POU2F2: variants seen among roughly 807,000 people sequenced by gnomAD.
POU2F2 encodes the protein POU class 2 homeobox 2.
In POU2F2, 14 loss-of-function variants were observed where a neutral mutation model predicts 63.5. The ratio of observed to expected loss-of-function variants is 0.22; its 90% CI spans 0.15 to 0.34. The LOEUF (loss-of-function observed/expected upper bound fraction) is 0.34. Among genes scored for constraint, POU2F2 ranks in the 10% least tolerant of loss-of-function variants. POU2F2 has a pLI of 1.00. For synonymous variants in POU2F2, 306 were observed against 348.6 expected (o/e 0.88, Z 1.36); for missense variants, 607 against 815.2 (o/e 0.74, Z 3.11).
intron 1 of POU2F2, among the ~76,000 whole-genome samples, chr19:42,172,946 G>A (rs1378313346): frequency 6.6e-6 from 1 of 152,218 alleles, no homozygotes; most frequent in Non-Finnish European, 1.5e-5. Flanking sequence ...GACAGACAAG[G>A]CTCGGTATGA....
chr19:42,139,083 G>A (rs912724492), intron 2 of POU2F2, among the ~76,000 whole-genome samples: 2 of 152,124 alleles, frequency 1.3e-5, no homozygotes, highest in African/African-American at 2.4e-5. Flanking sequence ...TTGCAAGGTC[G>A]ACGAGGGCGG....
At chr19:42,127,640 C>T (rs1237086494) in intron 1 of POU2F2, among the ~76,000 whole-genome samples, 3 of 152,084 alleles carry the variant, frequency 2.0e-5, no homozygotes, top group African/African-American at 7.2e-5. Flanking sequence ...CTCAGCCTCC[C>T]AAAATGCTGG....
chr19:42,169,445 C>T lies in POU2F2; in HGVS notation c.-70+6518G>A, dbSNP rs17270169. On this transcript the variant is annotated intron_variant, in intron 1 of 6. Transcript: ENST00000524801. The surrounding 1 kb of genome is among the most constrained non-coding windows in gnomAD (Gnocchi z 4.3). The stretch of plus-strand genomic sequence containing the variant: ...ATACCTGTGTCTGAGTATGTGTTTA[C>T]CCCTGTTTCCAAACCTGGTGTGTCC... 0.098 allele frequency among the ~76,000 whole-genome samples: 14,957 copies of T among 152,264 alleles called. 882 individuals carry two copies. Among genetic ancestry groups the T allele is most frequent in the Middle Eastern group, 0.2 (58 of 294 alleles).
At position 42,095,805 on chromosome 19, in the gene POU2F2, T is replaced by G; in HGVS notation, c.854A>C (p.Lys285Thr). Residue 285 changes from lysine (K) to threonine (T), a missense_variant, in exon 9 of 15, where the codon AAG becomes ACG. This residue lies in a region of POU2F2 where 39 missense variants were observed against 36.3 expected (regional missense o/e 1.07). Transcript: ENST00000692977. This position sits in a 1 kb window ranked among gnomAD's most constrained non-coding sequence, Gnocchi z 7.1. ...NMCKLKPLLE[K>T]WLNDAETMSV... Reference sequence around the variant, plus strand: ...GGTCCCACCTGCATCGTTGAGCCACTTCTCCAGGAGGGGCTTGAGTTTGCA... The same window carrying G: ...GGTCCCACCTGCATCGTTGAGCCACGTCTCCAGGAGGGGCTTGAGTTTGCA... 2 of 1,613,986 alleles carry G rather than the reference T, an allele frequency of 1.2e-6. No homozygotes were observed. The highest frequency in any genetic ancestry group is 4.5e-5 in the East Asian group (2 of 44,856).
rs773664248 is a variant in POU2F2, at chr19:42,095,555, C to A, written c.1010G>T (p.Ser337Ile). 1 of 1,603,742 alleles carries A rather than the reference C, an allele frequency of 6.2e-7. No homozygotes were observed. The highest frequency in any genetic ancestry group is 8.5e-7 in the Non-Finnish European group (1 of 1,174,714). ...ETNVRFALEK[S>I]FLANQKPTSE... ...AGAGGGGGGCCTCACCGCTAGAAAA[C>A]TCTTCTCTAAGGCGAAGCGGACGTT... The change falls in exon 10 of 15, where the codon AGT becomes ATT. Residue 337 changes from serine to isoleucine, a missense_variant. By Grantham distance (142) the Ser-to-Ile change is moderately radical. Around this residue, in one of 7 missense-constraint regions of POU2F2, gnomAD observed 36 missense variants for 63.8 expected, o/e 0.56. Transcript: ENST00000692977. This position sits in a 1 kb window ranked among gnomAD's most constrained non-coding sequence, Gnocchi z 7.1.
In POU2F2 at chr19:42,151,417, G is replaced by A. The variant is rs545652140; in HGVS notation, c.-9+8915C>T. ...CTGGGCTGGGAGGAGAGGAGGATCT[G>A]GACAGACAAAGAACTGGAGCCCTGG... On this transcript the variant is annotated intron_variant, in intron 2 of 6. Transcript: ENST00000524801. 2.6e-5 allele frequency among the ~76,000 whole-genome samples: 4 copies of A among 152,086 alleles called. No homozygotes were observed. In the East Asian group the frequency reaches 5.8e-4, roughly 22 times the overall value.
chr19:42,138,810 C>A (rs1438643122), intron 2 of POU2F2, among the ~76,000 whole-genome samples: 1 of 152,118 alleles, frequency 6.6e-6, no homozygotes, highest in Non-Finnish European at 1.5e-5. Flanking sequence ...GGGGAAGACA[C>A]TTGGGTCAGT....
intron 1 of POU2F2, among the ~76,000 whole-genome samples, chr19:42,190,748 G>T (rs1422330966): frequency 6.6e-6 from 1 of 152,084 alleles, no homozygotes; most frequent in East Asian, 1.9e-4. Flanking sequence ...AGATAAATGA[G>T]CCTATGGATG....
At chr19:42,172,310 C>T (rs1363237265) in intron 1 of POU2F2, among the ~76,000 whole-genome samples, 1 of 152,212 alleles carries the variant, frequency 6.6e-6, no homozygotes, top group Non-Finnish European at 1.5e-5. Flanking sequence ...GCTTCAGAGT[C>T]TAGGCCTTTG....
chr19:42,099,275 T>C (rs1317090559), intron 7 of POU2F2: 3 of 470,376 alleles, frequency 6.4e-6, no homozygotes, highest in Non-Finnish European at 7.8e-6. Flanking sequence ...TCTTTCATCA[T>C]ATTCTCAAAG....
In POU2F2 at chr19:42,153,017, C is replaced by T. The variant is rs1172897301; in HGVS notation, c.-9+7315G>A. ...TGGGGCGAACCCTCAGGCCGGCCTGCGCCCACCCCCAGAGCTGCTGGCTGC... is the reference window on the plus strand; with the variant it reads ...TGGGGCGAACCCTCAGGCCGGCCTGTGCCCACCCCCAGAGCTGCTGGCTGC... On this transcript the variant is annotated intron_variant, in intron 2 of 6. Transcript: ENST00000524801. The surrounding 1 kb of genome is among the most constrained non-coding windows in gnomAD (Gnocchi z 5.6). Among the ~76,000 whole-genome samples the T allele has an allele frequency of 2.0e-5, 3 of 152,126 alleles. No homozygotes were observed. Among genetic ancestry groups the T allele is most frequent in the Non-Finnish European group, 2.9e-5 (2 of 68,016 alleles).
intron 2 of POU2F2, among the ~76,000 whole-genome samples, chr19:42,151,249 G>A (rs1029538046): frequency 7.9e-5 from 12 of 152,048 alleles, no homozygotes; most frequent in Admixed American, 1.3e-4. Flanking sequence ...TGACACTGGC[G>A]GGATGGCCTG....
intron 7 of POU2F2, chr19:42,099,314 C>A (rs1209158420): frequency 5.3e-6 from 3 of 565,620 alleles, no homozygotes; most frequent in Non-Finnish European, 9.5e-6. Context: ...GGGTTAAGAA[C>A]CACTTGTCTG....
Position 42,169,713 on chromosome 19 carries a change from CCT to C in POU2F2, c.-70+6248_-70+6249del, listed in dbSNP as rs1354071548. On this transcript the variant is annotated intron_variant, in intron 1 of 6. Coordinates refer to the POU2F2 transcript ENST00000524801. This position sits in a 1 kb window ranked among gnomAD's most constrained non-coding sequence, Gnocchi z 4.3. ...GTGCATCCGTTCAAGACTTACGTGG[CCT>C]CTCTAGTTTGGCGAATGAGTGCGCG... Among the ~76,000 whole-genome samples the C allele has an allele frequency of 6.6e-6, 1 of 152,068 alleles. No homozygotes were observed. The highest frequency in any genetic ancestry group is 6.5e-5 in the Admixed American group (1 of 15,282).
chr19:42,131,949 C>T (rs1233015163), intron 1 of POU2F2, among the ~76,000 whole-genome samples: 5 of 152,142 alleles, frequency 3.3e-5, no homozygotes, highest in Non-Finnish European at 7.4e-5. Context: ...TGCACACACA[C>T]ATGCACACGC....
intron 1 of POU2F2, 104 bp downstream of exon 1, chr19:42,132,280 G>A: frequency 1.5e-6 from 2 of 1,338,650 alleles, no homozygotes; most frequent in Admixed American, 2.2e-5. Context: ...CAGAGGAGAA[G>A]GACAATGGAG....
intron 1 of POU2F2, among the ~76,000 whole-genome samples, chr19:42,124,463 A>G (rs550848706): frequency 6.6e-6 from 1 of 152,326 alleles, no homozygotes; most frequent in South Asian, 2.1e-4. Flanking sequence ...CCTAATTAAA[A>G]AAACAGGTCA....
chr19:42,139,346 A>T (rs370375264), intron 2 of POU2F2, among the ~76,000 whole-genome samples: 2 of 152,008 alleles, frequency 1.3e-5, no homozygotes, highest in South Asian at 4.2e-4. Flanking sequence ...ATAAAAGAAG[A>T]CCAACCAGTC....
intron 7 of POU2F2, among the ~76,000 whole-genome samples, chr19:42,098,412 C>CAA (rs1218709430): frequency 6.9e-4 from 39 of 56,230 alleles, no homozygotes; most frequent in African/African-American, 1.5e-3. Flanking sequence ...GACTCCATCT[C>CAA]AAAAAAAAAA....
Sources: allele counts gnomAD v4.1 joint callset (sites outside exome capture counted in the v4.1 genomes callset), GRCh38; gene constraint gnomAD v4.1.1; regional missense constraint gnomAD v4.1.1; non-coding constraint Gnocchi (gnomAD v3.1); transcripts MANE v1.5; gene names NCBI Gene and HGNC (gene_info 2026-07-23, HGNC 2026-07-21).